GALM: variants seen among roughly 807,000 people sequenced by gnomAD.
GALM encodes the protein galactose mutarotase, also known as aldose 1-epimerase.
In GALM, 43 loss-of-function variants were observed where a neutral mutation model predicts 37.4. That is an observed-to-expected ratio of 1.15 (90% CI 0.90 to 1.48). The LOEUF is 1.48. Ranked by LOEUF, GALM falls within the 40% of genes most tolerant of loss-of-function variation. The pLI is 0.00. For missense variants in GALM, 456 were observed against 419.1 expected (o/e 1.09, Z -0.77); for synonymous variants, 199 against 170.6 (o/e 1.17, Z -1.30).
intron 4 of GALM, among the ~76,000 whole-genome samples, chr2:38,717,237 C>T (rs572647342): frequency 6.9e-5 from 10 of 145,566 alleles, no homozygotes; most frequent in Non-Finnish European, 1.2e-4. Context: ...GCAACAAGAG[C>T]GAAACTCCAT....
chr2:38,721,575 A>G (rs550594734), intron 4 of GALM, among the ~76,000 whole-genome samples: 1 of 152,262 alleles, frequency 6.6e-6, no homozygotes, highest in South Asian at 2.1e-4. Context: ...GTGCAGTGGC[A>G]TGATCATGGC....
At chr2:38,708,111 TTAAAATAAAA>T (rs60153386) in intron 4 of GALM, among the ~76,000 whole-genome samples, 56 of 135,738 alleles carry the variant, frequency 4.1e-4, no homozygotes, top group African/African-American at 1.4e-3. Flanking sequence ...TGTATCAAAA[TTAAAATAAAA>T]TAAAATAAAA....
At chr2:38,694,545 G>T (rs1294445699) in intron 4 of GALM, among the ~76,000 whole-genome samples, 2 of 152,084 alleles carry the variant, frequency 1.3e-5, no homozygotes, top group African/African-American at 4.8e-5. Flanking sequence ...GGAGGGAGAG[G>T]TTTTCTTGAA....
intron 4 of GALM, among the ~76,000 whole-genome samples, chr2:38,726,528 G>A (rs1289772497): frequency 6.6e-6 from 1 of 151,952 alleles, no homozygotes; most frequent in East Asian, 1.9e-4. Context: ...GCCTGGCCAA[G>A]TCTCTCACAT....
In GALM at chr2:38,666,259, T is replaced by C. The variant is rs1273636988; in HGVS notation, c.98T>C (p.Ile33Thr). The C allele has an allele frequency of 6.2e-7, 1 of 1,613,976 alleles. No homozygotes were observed. ...CAGTCAGACCTCTTGAGAGTGGACA[T>C]CATCTCCTGGGGCTGCACGATCACA... ...QLQSDLLRVD[I>T]ISWGCTITAL... The change falls in exon 1 of 7, where the codon ATC becomes ACC. Residue 33 changes from isoleucine (I) to threonine (T), a missense_variant. Transcript: ENST00000272252.
In GALM at chr2:38,704,042, T is replaced by TAAATAAAATA. The variant is rs70954745; in HGVS notation, c.634+14166_634+14175dup. ...AAAAATAAATGAATAAATAAATAAA[T>TAAATAAAATA]AAATAAAATAAAATAAAATAAAATA... On this transcript the variant is annotated intron_variant, in intron 4 of 6. Transcript: ENST00000272252. Among the ~76,000 whole-genome samples the TAAATAAAATA allele has an allele frequency of 6.9e-4, 103 of 149,972 alleles. 1 individual carries two copies. In the Middle Eastern group the frequency reaches 0.01, roughly 15 times the overall value.
intron 3 of GALM, among the ~76,000 whole-genome samples, chr2:38,685,846 T>C (rs557448276): frequency 1.3e-5 from 2 of 151,864 alleles, no homozygotes; most frequent in Admixed American, 1.3e-4. Flanking sequence ...GCCTCTGGAG[T>C]AGCTGGGATT....
At chr2:38,677,833 G>T (rs139868506) in intron 2 of GALM, among the ~76,000 whole-genome samples, 1 of 151,822 alleles carries the variant, frequency 6.6e-6, no homozygotes, top group Non-Finnish European at 1.5e-5. Flanking sequence ...TGTTAAAGGC[G>T]AATGGCCACA....
intron 4 of GALM, among the ~76,000 whole-genome samples, chr2:38,697,603 T>A (rs922890053): frequency 5.9e-5 from 9 of 152,210 alleles, no homozygotes; most frequent in African/African-American, 2.2e-4. Flanking sequence ...CACATCATCA[T>A]GAGAATGTAG....
At chr2:38,727,356 T>C (rs1183744160) in intron 4 of GALM, among the ~76,000 whole-genome samples, 1 of 152,104 alleles carries the variant, frequency 6.6e-6, no homozygotes, top group African/African-American at 2.4e-5. Context: ...CTAGGCATCC[T>C]GAGGCTGTAT....
At chr2:38,703,520 C>A (rs1319761240) in intron 4 of GALM, among the ~76,000 whole-genome samples, 1 of 152,104 alleles carries the variant, frequency 6.6e-6, no homozygotes, top group Non-Finnish European at 1.5e-5. Flanking sequence ...TGAAAATTCT[C>A]TGGGCCTCAT....
At chr2:38,702,198 AT>A (rs1244834030) in intron 4 of GALM, among the ~76,000 whole-genome samples, 1 of 152,008 alleles carries the variant, frequency 6.6e-6, no homozygotes, top group Admixed American at 6.6e-5. Flanking sequence ...AAAAAAAAAA[AT>A]CTTAAGATCT....
At chr2:38,672,989 A>G (rs757180483) in intron 1 of GALM, among the ~76,000 whole-genome samples, 40 of 152,216 alleles carry the variant, frequency 2.6e-4, no homozygotes, top group Non-Finnish European at 4.7e-4. Flanking sequence ...AGCCCAGGCT[A>G]TAAGAGCAAA....
At chr2:38,677,423 A>G (rs1245763406) in intron 2 of GALM, among the ~76,000 whole-genome samples, 2 of 152,130 alleles carry the variant, frequency 1.3e-5, no homozygotes, top group Non-Finnish European at 2.9e-5. Flanking sequence ...TGACTGCCCC[A>G]TGGGTTTCCC....
chr2:38,714,407 G>T (rs1666228558), intron 4 of GALM, among the ~76,000 whole-genome samples: 1 of 152,006 alleles, frequency 6.6e-6, no homozygotes, highest in South Asian at 2.1e-4. Flanking sequence ...TAGAGACAGG[G>T]TTTCACCATG....
chr2:38,686,244 C>G (rs1665520453), intron 3 of GALM, among the ~76,000 whole-genome samples: 1 of 98,870 alleles, frequency 1.0e-5, no homozygotes. Flanking sequence ...TTCTTTCTTT[C>G]TTTCTTTCTT....
chr2:38,669,062 T>C (rs1281718572), intron 1 of GALM: 1 of 152,088 alleles, frequency 6.6e-6, no homozygotes, highest in African/African-American at 2.4e-5. Flanking sequence ...TTTTCTTTCA[T>C]AGAATTCTAA....
rs1273092729 is a variant in GALM at position 38,733,693 on chromosome 2, T to G, written c.*128T>G. 2.6e-6 allele frequency: 2 copies of G among 757,066 alleles called. No homozygotes were observed. Among genetic ancestry groups the G allele is most frequent in the African/African-American group, 1.7e-5 (1 of 57,506 alleles). The allele number at this position is 757,066 out of a possible 1,614,324, so 46.9% of individuals were successfully genotyped here. On this transcript the variant is annotated 3_prime_UTR_variant, in exon 7 of 7. Coordinates refer to ENST00000272252, the MANE Select transcript of GALM (RefSeq NM_138801.3). ...TTAAAATCATACAAATGGTGGCTGTTCTGAGAATCAGTCTGGGTATTGATT... is the reference window on the plus strand; with the variant it reads ...TTAAAATCATACAAATGGTGGCTGTGCTGAGAATCAGTCTGGGTATTGATT...
intron 4 of GALM, among the ~76,000 whole-genome samples, chr2:38,692,380 G>A (rs989315877): frequency 1.3e-5 from 2 of 152,130 alleles, no homozygotes; most frequent in Non-Finnish European, 2.9e-5. Flanking sequence ...ACTTTCCACT[G>A]AGAACAAATC....
Sources: allele counts gnomAD v4.1 joint callset (sites outside exome capture counted in the v4.1 genomes callset), GRCh38; gene constraint gnomAD v4.1.1; transcripts MANE v1.5; gene names NCBI Gene and HGNC (gene_info 2026-07-23, HGNC 2026-07-21).